GLG1: variants seen among roughly 807,000 people sequenced by gnomAD.
The protein encoded by GLG1 is Golgi apparatus protein 1.
A neutral mutation model predicts 160.5 loss-of-function variants in GLG1; 38 were observed. The ratio of observed to expected loss-of-function variants is 0.24; its 90% CI spans 0.18 to 0.31. The LOEUF (loss-of-function observed/expected upper bound fraction) is 0.31, where lower values mean the gene tolerates loss of function less well. Among genes scored for constraint, GLG1 ranks in the 10% least tolerant of loss-of-function variants. GLG1 has a pLI of 1.00. For synonymous variants in GLG1, 644 were observed against 543.4 expected (o/e 1.19, Z -2.57); for missense variants, 1,373 against 1,505.2 (o/e 0.91, Z 1.45).
intron 3 of GLG1, among the ~76,000 whole-genome samples, chr16:74,505,488 G>T (rs1374337794): frequency 6.6e-6 from 1 of 152,170 alleles, no homozygotes; most frequent in Non-Finnish European, 1.5e-5. Context: ...GGAAGACCGA[G>T]GGGGGTGGAT....
intron 2 of GLG1, among the ~76,000 whole-genome samples, chr16:74,530,112 G>A (rs1249211387): frequency 6.6e-6 from 1 of 152,052 alleles, no homozygotes; most frequent in Admixed American, 6.6e-5. Flanking sequence ...CTGGCTCTTT[G>A]AGAGTTCCAA....
At position 74,465,833 on chromosome 16, in the gene GLG1, G is replaced by C; in HGVS notation, c.2530-20C>G. 2 of 1,611,222 alleles carry C rather than the reference G, an allele frequency of 1.2e-6. No homozygotes were observed. Among genetic ancestry groups the C allele is most frequent in the Non-Finnish European group, 1.7e-6 (2 of 1,177,644 alleles). On this transcript the variant is annotated intron_variant, in intron 18 of 25. Coordinates refer to ENST00000422840, the MANE Select transcript of GLG1 (RefSeq NM_001145667.2). ...GATAATCTATGGCAAAAGAGTTATA[G>C]TCAAGTTGAGAGATGTCAGAGACTG...
At chr16:74,471,755 G>T (rs2015216555) in intron 14 of GLG1, among the ~76,000 whole-genome samples, 1 of 152,126 alleles carries the variant, frequency 6.6e-6, no homozygotes, top group Admixed American at 6.6e-5. Context: ...TGATGTACTG[G>T]AATCAACCCT....
chr16:74,464,284 C>T (rs2014919494), intron 19 of GLG1, among the ~76,000 whole-genome samples: 1 of 152,162 alleles, frequency 6.6e-6, no homozygotes, highest in African/African-American at 2.4e-5. Context: ...ACCTACCCAA[C>T]TCTAGTGGGG....
chr16:74,497,728 C>T (rs962816262), intron 4 of GLG1, among the ~76,000 whole-genome samples: 1 of 152,150 alleles, frequency 6.6e-6, no homozygotes, highest in South Asian at 2.1e-4. Context: ...TGAGCCACTG[C>T]GCCCGGCCAA....
chr16:74,476,323 T>C (rs555743092), intron 12 of GLG1, among the ~76,000 whole-genome samples: 3 of 152,336 alleles, frequency 2.0e-5, no homozygotes, highest in East Asian at 3.9e-4. Context: ...CTTGTTTCAT[T>C]GGACAGAGGC....
intron 1 of GLG1, among the ~76,000 whole-genome samples, chr16:74,602,831 C>T (rs1352299174): frequency 2.0e-5 from 3 of 151,268 alleles, no homozygotes; most frequent in African/African-American, 7.3e-5. Context: ...GATGTATACC[C>T]AGGGACTCAT....
chr16:74,545,766 G>T (rs1212788006), intron 1 of GLG1, among the ~76,000 whole-genome samples: 1 of 152,154 alleles, frequency 6.6e-6, no homozygotes. Context: ...AACCAAGAGG[G>T]TATTGGTTAA....
Position 74,452,425 on chromosome 16 carries a change from C to A in GLG1, c.*742G>T. 8.6e-7 allele frequency: 1 copy of A among 1,160,514 alleles called. No individual in the cohort carries two copies. The highest frequency in any genetic ancestry group is 1.1e-6 in the Non-Finnish European group (1 of 932,798). The allele number at this position is 1,160,514 out of a possible 1,614,324, so 71.9% of individuals were successfully genotyped here. A position where few individuals can be genotyped will look rare whatever the true frequency, so the allele number is the denominator to read the frequency against. ...ACTTCCGGTCCCTTCCCCTCCCCAG[C>A]TGCCCTTGTCTAGGAAGGCTCATGC... On this transcript the variant is annotated 3_prime_UTR_variant, in exon 26 of 26. Transcript: ENST00000422840.
intron 25 of GLG1, among the ~76,000 whole-genome samples, chr16:74,454,666 C>CAAAAA (rs58759187): frequency 5.2e-5 from 2 of 38,494 alleles, no homozygotes; most frequent in African/African-American, 9.5e-5. Context: ...AATCCGTCCC[C>CAAAAA]AAAAAAAAAA....
intron 2 of GLG1, among the ~76,000 whole-genome samples, chr16:74,511,584 T>TAAAA (rs1567493600): frequency 1.1e-5 from 1 of 87,004 alleles, no homozygotes; most frequent in Admixed American, 1.1e-4. Flanking sequence ...CCTTTTTTTT[T>TAAAA]TAAAAAAAAA....
chr16:74,605,092 C>T (rs1463284518), intron 1 of GLG1, among the ~76,000 whole-genome samples: 1 of 152,156 alleles, frequency 6.6e-6, no homozygotes, highest in Non-Finnish European at 1.5e-5. Flanking sequence ...CTGAAGAATA[C>T]ACATAGGTGT....
chr16:74,575,350 G>C (rs542092876), intron 1 of GLG1, among the ~76,000 whole-genome samples: 106 of 152,232 alleles, frequency 7.0e-4, no homozygotes, highest in Non-Finnish European at 1.3e-3. Flanking sequence ...CGTACCACTA[G>C]GGGAGAAATA....
At chr16:74,528,878 C>G (rs1165950328) in intron 2 of GLG1, among the ~76,000 whole-genome samples, 1 of 143,858 alleles carries the variant, frequency 7.0e-6, no homozygotes, top group East Asian at 2.1e-4. Flanking sequence ...TCACTAAGTT[C>G]GTTGAATTTA....
chr16:74,592,106 T>C (rs10400980), intron 1 of GLG1, among the ~76,000 whole-genome samples: 149,024 of 152,294 alleles, frequency 0.98, 72,927 homozygotes, highest in East Asian at 1. Context: ...AGTGCTGGGC[T>C]GTGGGCCACT....
chr16:74,480,145 G>A lies in GLG1; in HGVS notation c.1827+96C>T, dbSNP rs577424746. 5.9e-5 allele frequency: 61 copies of A among 1,033,146 alleles called. No homozygotes were observed. The African/African-American group carries it at 9.4e-4, about 16-fold the overall frequency. 64.0% of individuals were successfully genotyped at this position (1,033,146 alleles called of 1,614,324 possible). A position where few individuals can be genotyped will look rare whatever the true frequency, so the allele number is the denominator to read the frequency against. On this transcript the variant is annotated intron_variant, in intron 11 of 25. Transcript: ENST00000422840. ...TTCTCCCCACAAAATAGTCTAAAAA[G>A]TTTTCCTAATATGACTGAAATCAGA...
chr16:74,565,734 G>A (rs1315089497), intron 1 of GLG1, among the ~76,000 whole-genome samples: 6 of 152,158 alleles, frequency 3.9e-5, no homozygotes, highest in Admixed American at 6.6e-5. Context: ...TGCCTGATTC[G>A]CAAATTATTC....
chr16:74,554,621 A>G (rs893645957), intron 1 of GLG1, among the ~76,000 whole-genome samples: 2 of 152,252 alleles, frequency 1.3e-5, no homozygotes, highest in Non-Finnish European at 2.9e-5. Flanking sequence ...AATTGAGCAG[A>G]TGGGACTTCA....
chr16:74,455,300 T>G (rs964772187), intron 25 of GLG1, among the ~76,000 whole-genome samples: 1 of 152,126 alleles, frequency 6.6e-6, no homozygotes, highest in African/African-American at 2.4e-5. Context: ...GCTGTTTCTA[T>G]GCTCATATCA....
Sources: allele counts gnomAD v4.1 joint callset (sites outside exome capture counted in the v4.1 genomes callset), GRCh38; gene constraint gnomAD v4.1.1; transcripts MANE v1.5; gene names NCBI Gene and HGNC (gene_info 2026-07-23, HGNC 2026-07-21).